Variants in JARID2 observed in about 807,000 individuals in gnomAD.
JARID2 encodes protein Jumonji.
In JARID2, 21 loss-of-function variants were observed where a neutral mutation model predicts 125.6. The observed-to-expected ratio is 0.17, with a 90% CI of 0.12 to 0.24. The LOEUF (loss-of-function observed/expected upper bound fraction) is 0.24. Among genes scored for constraint, JARID2 ranks in the 10% least tolerant of loss-of-function variants. JARID2 has a pLI of 1.00. For synonymous variants in JARID2, 736 were observed against 661.6 expected (o/e 1.11, Z -1.73); for missense variants, 1,303 against 1,639.6 (o/e 0.79, Z 3.55).
At chr6:15,450,115 C>T (rs189154035) in intron 3 of JARID2, among the ~76,000 whole-genome samples, 121 of 152,108 alleles carry the variant, frequency 8.0e-4, no homozygotes, top group Non-Finnish European at 1.2e-3. Context: ...TAATCCACTC[C>T]CAACCATGTC....
intron 2 of JARID2, among the ~76,000 whole-genome samples, chr6:15,381,341 CAAAAAAAAAAA>C (rs11358363): frequency 1.1e-5 from 1 of 92,978 alleles, no homozygotes; most frequent in African/African-American, 4.3e-5. Context: ...ACTCCTGTCT[CAAAAAAAAAAA>C]AAAAAAAAAA....
intron 3 of JARID2, among the ~76,000 whole-genome samples, chr6:15,451,654 G>A (rs1027811424): frequency 1.1e-4 from 16 of 152,114 alleles, no homozygotes; most frequent in Non-Finnish European, 1.8e-4. Context: ...TACTGTCAGT[G>A]GAAATAAATG....
At chr6:15,298,640 A>G (rs1761495246) in intron 1 of JARID2, among the ~76,000 whole-genome samples, 2 of 151,254 alleles carry the variant, frequency 1.3e-5, no homozygotes, top group South Asian at 4.2e-4. Flanking sequence ...AGATCATGCC[A>G]CTGCATTCCA....
chr6:15,352,513 T>TG (rs1763465165), intron 1 of JARID2, among the ~76,000 whole-genome samples: 1 of 152,192 alleles, frequency 6.6e-6, no homozygotes, highest in African/African-American at 2.4e-5. Context: ...AAGCATGGCC[T>TG]GGGAGGTCTA....
At chr6:15,414,824 A>T (rs1213080670) in intron 3 of JARID2, among the ~76,000 whole-genome samples, 1 of 150,810 alleles carries the variant, frequency 6.6e-6, no homozygotes, top group Non-Finnish European at 1.5e-5. Context: ...GTTTGTTTTT[A>T]TTTATTTTTA....
At chr6:15,268,917 G>A (rs1760192050) in intron 1 of JARID2, among the ~76,000 whole-genome samples, 1 of 152,192 alleles carries the variant, frequency 6.6e-6, no homozygotes, top group South Asian at 2.1e-4. Flanking sequence ...GAAGTTCGGG[G>A]CTCTAACTCT....
rs147636707 is a variant in JARID2 at position 15,345,995 on chromosome 6, G to C, written c.46-28122G>C. Among the ~76,000 whole-genome samples the C allele has an allele frequency of 2.2e-4, 34 of 152,214 alleles. 1 individual carries two copies. Among genetic ancestry groups the C allele is most frequent in the African/African-American group, 8.2e-4 (34 of 41,520 alleles). On this transcript the variant is annotated intron_variant, in intron 1 of 17. Coordinates refer to ENST00000341776, the MANE Select transcript of JARID2 (RefSeq NM_004973.4). ...AAACATACATTCCGTAAGTGTTCGT[G>C]GTTTTGTTGTCGTTCAGCTGTCTGT... is the stretch of plus-strand genomic sequence containing the variant.
intron 1 of JARID2, among the ~76,000 whole-genome samples, chr6:15,276,827 G>GA (rs762977231): frequency 6.6e-6 from 1 of 152,090 alleles, no homozygotes; most frequent in Non-Finnish European, 1.5e-5. Context: ...AGTGACTGTT[G>GA]AGTCATTACA....
At chr6:15,265,330 T>C (rs1294394826) in intron 1 of JARID2, among the ~76,000 whole-genome samples, 1 of 150,778 alleles carries the variant, frequency 6.6e-6, no homozygotes, top group East Asian at 1.9e-4. Context: ...TGAGTTCTTG[T>C]CTCTGTAGTT....
At position 15,501,050 on chromosome 6, in the gene JARID2, C is replaced by T; in HGVS notation, c.2089C>T (p.Leu697=). ...AACTGCCCAGGACCGGCTGGCCAAG[C>T]TGCAGGAGGCCTACTGCCAGTACCT... is the stretch of plus-strand genomic sequence containing the variant. ...PRTAQDRLAK[L]QEAYCQYLLS... is the part of the protein sequence containing the mutation. Residue 697 remains leucine (L), a synonymous_variant, in exon 8 of 18, where the codon CTG becomes TTG. Coordinates refer to ENST00000341776, the MANE Select transcript of JARID2 (RefSeq NM_004973.4). The T allele has an allele frequency of 6.2e-7, 1 of 1,614,174 alleles. No homozygotes were observed. The highest frequency in any genetic ancestry group is 1.3e-5 in the African/African-American group (1 of 75,062).
intron 2 of JARID2, among the ~76,000 whole-genome samples, chr6:15,387,377 C>G (rs1427675528): frequency 1.3e-5 from 2 of 152,294 alleles, no homozygotes; most frequent in South Asian, 2.1e-4. Context: ...CCATTTCTCA[C>G]AGTTCTGGTG....
intron 2 of JARID2, among the ~76,000 whole-genome samples, chr6:15,380,550 C>T (rs1432668346): frequency 6.6e-6 from 1 of 152,228 alleles, no homozygotes; most frequent in East Asian, 1.9e-4. Flanking sequence ...GTTTTTAATG[C>T]TGTTGTCGTT....
rs1474987363 is a variant in JARID2 at position 15,520,849 on chromosome 6, T to G, written c.*598T>G. 2.2e-6 allele frequency: 1 copy of G among 455,498 alleles called. No individual in the cohort carries two copies. Among genetic ancestry groups the G allele is most frequent in the Admixed American group, 2.4e-5 (1 of 42,538 alleles). The allele number at this position is 455,498 out of a possible 1,614,324, so 28.2% of individuals were successfully genotyped here. A position where few individuals can be genotyped will look rare whatever the true frequency, so the allele number is the denominator to read the frequency against. On this transcript the variant is annotated 3_prime_UTR_variant, in exon 18 of 18. Transcript: ENST00000341776. ...GCGGACGTTGTTTCCTAACCATAGG[T>G]GGAACGAGGAGACGGGAGCGAGTGG...
Position 15,462,413 on chromosome 6 carries a change from A to G in JARID2, c.494-6129A>G, listed in dbSNP as rs570230723. ...ATGAACATGTGAGATGAATGTAGAC[A>G]GCTGCCCTGTTTGAGTCTCTGGTGC... is the stretch of plus-strand genomic sequence containing the variant. On this transcript the variant is annotated intron_variant, in intron 4 of 17. Coordinates refer to ENST00000341776, the MANE Select transcript of JARID2 (RefSeq NM_004973.4). Among the ~76,000 whole-genome samples, 3 of 151,760 alleles carry G rather than the reference A, an allele frequency of 2.0e-5. No individual in the cohort carries two copies. The East Asian group carries it at 5.8e-4, about 29-fold the overall frequency.
At chr6:15,384,567 T>C (rs1764711687) in intron 2 of JARID2, among the ~76,000 whole-genome samples, 1 of 152,012 alleles carries the variant, frequency 6.6e-6, no homozygotes, top group Admixed American at 6.6e-5. Context: ...TTTTTGCATT[T>C]AGCTTTAGCT....
chr6:15,422,293 A>T (rs960065144), intron 3 of JARID2, among the ~76,000 whole-genome samples: 6 of 152,116 alleles, frequency 3.9e-5, no homozygotes, highest in Admixed American at 1.3e-4. Context: ...TGGAGTTGGT[A>T]GGTTTGGGGT....
chr6:15,310,457 T>C (rs946276060), intron 1 of JARID2, among the ~76,000 whole-genome samples: 2 of 152,192 alleles, frequency 1.3e-5, no homozygotes, highest in Admixed American at 6.5e-5. Context: ...GTGATTTACA[T>C]AGGAAAATGC....
At chr6:15,450,905 T>C (rs1298624107) in intron 3 of JARID2, among the ~76,000 whole-genome samples, 2 of 152,070 alleles carry the variant, frequency 1.3e-5, no homozygotes, top group Non-Finnish European at 2.9e-5. Context: ...CCCAACACTT[T>C]GGAAGGTCAA....
At chr6:15,504,952 G>C (rs1040945192) in intron 9 of JARID2, among the ~76,000 whole-genome samples, 1 of 152,140 alleles carries the variant, frequency 6.6e-6, no homozygotes, top group African/African-American at 2.4e-5. Context: ...GGAATCCCTT[G>C]AAACCACAGT....
Sources: gnomAD v4.1 joint callset for allele counts (sites outside exome capture counted in the v4.1 genomes callset) on GRCh38, gnomAD v4.1.1 for gene constraint, MANE v1.5 for transcripts, NCBI Gene and HGNC (gene_info 2026-07-23, HGNC 2026-07-21) for gene names.